OLFML2B: variants seen among roughly 807,000 people sequenced by gnomAD.
OLFML2B encodes olfactomedin like 2B, also known as olfactomedin-like protein 2B.
Under a neutral mutation model 74.9 loss-of-function variants are expected in OLFML2B, and 57 were observed. That is an observed-to-expected ratio of 0.76 (90% CI 0.61 to 0.95). The LOEUF (loss-of-function observed/expected upper bound fraction) is 0.95. Ranked by LOEUF, OLFML2B falls within the 40% of genes least tolerant of loss-of-function variation. OLFML2B has a pLI of 0.00. For synonymous variants in OLFML2B, 388 were observed against 405.8 expected (o/e 0.96, Z 0.53); for missense variants, 986 against 970.6 (o/e 1.02, Z -0.21).
intron 3 of OLFML2B, among the ~76,000 whole-genome samples, chr1:162,014,632 C>CAGA (rs1194216486): frequency 6.6e-6 from 1 of 152,190 alleles, no homozygotes; most frequent in Non-Finnish European, 1.5e-5. Context: ...ATTTACCCAA[C>CAGA]ATTCTGCCTT....
rs1205095991 is a variant in OLFML2B at position 162,001,301 on chromosome 1, G to A, written c.724-963C>T. ...CTTACTAATGAAGACCTGGTTTTAC[G>A]GGAGTGGGCATGGGACTGAATTCTG... On this transcript the variant is annotated intron_variant, in intron 4 of 7. Coordinates refer to ENST00000294794, the MANE Select transcript of OLFML2B (RefSeq NM_015441.3). Among the ~76,000 whole-genome samples the A allele has an allele frequency of 3.9e-5, 6 of 152,140 alleles. No individual in the cohort carries two copies. In the East Asian group the frequency reaches 5.8e-4, roughly 15 times the overall value.
chr1:162,006,482 GAA>G lies in OLFML2B; in HGVS notation c.547-11_547-10del, dbSNP rs34863451. 8.8e-7 allele frequency: 1 copy of G among 1,138,582 alleles called. No individual in the cohort carries two copies. 70.5% of individuals were successfully genotyped at this position (1,138,582 alleles called of 1,614,324 possible). On this transcript the variant is annotated splice_polypyrimidine_tract_variant and intron_variant, in intron 3 of 7. Transcript: ENST00000294794. ...AGGTTTTTAGACACTTCCTGAGAAG[GAA>G]AAAAAAAAGATGATCCATTAAAGCA...
chr1:161,985,038 A>C, intron 6 of OLFML2B, 58 bp from the exon 7 acceptor site: 3 of 1,504,834 alleles, frequency 2.0e-6, no homozygotes, highest in South Asian at 1.3e-5. Context: ...CTCACCCCTT[A>C]AACCTTTGCT....
At chr1:162,006,053 C>T (rs1690220589) in intron 4 of OLFML2B, among the ~76,000 whole-genome samples, 1 of 152,098 alleles carries the variant, frequency 6.6e-6, no homozygotes, top group African/African-American at 2.4e-5. Flanking sequence ...AAAATGGGGG[C>T]TGGGACTCAG....
chr1:162,006,240 G>A, intron 4 of OLFML2B, 57 bp downstream of exon 4: 1 of 1,469,078 alleles, frequency 6.8e-7, no homozygotes, highest in Non-Finnish European at 9.1e-7. Context: ...GAGGAGAGAT[G>A]CTGATATCAC....
chr1:162,022,956 T>A (rs1452933380), intron 1 of OLFML2B, among the ~76,000 whole-genome samples: 2 of 152,130 alleles, frequency 1.3e-5, no homozygotes. Flanking sequence ...AAGAGATACT[T>A]TTTACAACCC....
In OLFML2B at chr1:161,998,227, T is replaced by C; in HGVS notation, c.1072A>G (p.Thr358Ala). 1 of 1,613,726 alleles carries C rather than the reference T, an allele frequency of 6.2e-7. No individual in the cohort carries two copies. Among genetic ancestry groups the C allele is most frequent in the Non-Finnish European group, 8.5e-7 (1 of 1,179,744 alleles). The change falls in exon 6 of 8, where the codon ACT (threonine) becomes GCT (alanine). Residue 358 changes from threonine to alanine, a missense_variant. Transcript: ENST00000294794. ...RPAATRQGHS[T>A]AVTSDLNART... ...GCGTTCAGGTCGCTTGTCACAGCAG[T>C]GCTGTGTCCCTGACGGGTGGCTGCA...
At chr1:161,997,712 T>C in intron 6 of OLFML2B, 113 bp downstream of exon 6, 1 of 1,140,440 alleles carries the variant, frequency 8.8e-7, no homozygotes, top group South Asian at 1.6e-5. Flanking sequence ...CCACTTGCCA[T>C]TCCCATAAAG....
rs982444820 is a variant in OLFML2B, at chr1:162,017,311, C to T, written c.546+89G>A. ...TAGGATGGGTTAAGTCTAGTCAGCA[C>T]ATGTGCTAGCTGAAAATTTACTGTG... On this transcript the variant is annotated intron_variant, in intron 3 of 7. Coordinates refer to ENST00000294794, the MANE Select transcript of OLFML2B (RefSeq NM_015441.3). 6 of 922,120 alleles carry T rather than the reference C, an allele frequency of 6.5e-6. No homozygotes were observed. In the African/African-American group the frequency reaches 8.2e-5, roughly 13 times the overall value. The allele number at this position is 922,120 out of a possible 1,614,324, so 57.1% of individuals were successfully genotyped here.
intron 3 of OLFML2B, among the ~76,000 whole-genome samples, chr1:162,012,383 C>T (rs1032715003): frequency 6.6e-6 from 1 of 152,192 alleles, no homozygotes; most frequent in Non-Finnish European, 1.5e-5. Flanking sequence ...TTTGATCATG[C>T]CTTTCAGTCC....
chr1:161,987,449 A>G (rs1689620931), intron 6 of OLFML2B, among the ~76,000 whole-genome samples: 1 of 152,206 alleles, frequency 6.6e-6, no homozygotes, highest in Admixed American at 6.5e-5. Context: ...GGGAGATTTG[A>G]CCACAAGAGA....
Position 162,006,316 on chromosome 1 carries a change from G to A in OLFML2B, c.704C>T (p.Ala235Val). ...IRSALQRDAAAAYAHPEYEER... is the reference protein window; with the variant it reads ...IRSALQRDAAVAYAHPEYEER... Reference sequence around the variant, plus strand: ...CTATACCTCTGGGTGGGCGTAGGCTGCTGCTGCATCCCTCTGCAGGGCTGA... The same window carrying A: ...CTATACCTCTGGGTGGGCGTAGGCTACTGCTGCATCCCTCTGCAGGGCTGA... Residue 235 changes from alanine to valine, a missense_variant, in exon 4 of 8, where the codon GCA (alanine) becomes GTA (valine). Transcript: ENST00000294794. 1.9e-6 allele frequency: 3 copies of A among 1,598,650 alleles called. No homozygotes were observed. The highest frequency in any genetic ancestry group is 1.1e-5 in the South Asian group (1 of 88,484).
chr1:162,019,780 C>T, intron 2 of OLFML2B, 139 bp downstream of exon 2: 3 of 1,113,324 alleles, frequency 2.7e-6, no homozygotes, highest in Non-Finnish European at 3.8e-6. Flanking sequence ...AGGACATCAA[C>T]CTTGATCCAC....
At chr1:162,020,302 T>C (rs763042879) in intron 1 of OLFML2B, 120 bp from the exon 2 acceptor site, 2 of 1,199,836 alleles carry the variant, frequency 1.7e-6, no homozygotes, top group Non-Finnish European at 2.3e-6. Flanking sequence ...CAGAAAACTC[T>C]GAACCACAGA....
chr1:161,994,071 C>T (rs1689819604), intron 6 of OLFML2B, among the ~76,000 whole-genome samples: 1 of 152,258 alleles, frequency 6.6e-6, no homozygotes, highest in Admixed American at 6.5e-5. Flanking sequence ...ATTTCTAGGG[C>T]CAGAGGCCCC....
intron 3 of OLFML2B, among the ~76,000 whole-genome samples, chr1:162,012,178 C>A (rs1321329885): frequency 6.6e-6 from 1 of 152,148 alleles, no homozygotes; most frequent in African/African-American, 2.4e-5. Flanking sequence ...TGACTTACAG[C>A]AAACCCCTCG....
At chr1:162,012,688 C>T (rs540003219) in intron 3 of OLFML2B, among the ~76,000 whole-genome samples, 1 of 152,344 alleles carries the variant, frequency 6.6e-6, no homozygotes, top group African/African-American at 2.4e-5. Context: ...GGAAAGCTTG[C>T]AGGCATGCAT....
intron 6 of OLFML2B, among the ~76,000 whole-genome samples, chr1:161,990,450 G>A (rs1689704275): frequency 6.6e-6 from 1 of 152,174 alleles, no homozygotes. Context: ...GTTTCCCAGT[G>A]AGTATAAAAG....
chr1:162,014,570 T>C (rs1418974566), intron 3 of OLFML2B, among the ~76,000 whole-genome samples: 1 of 152,242 alleles, frequency 6.6e-6, no homozygotes, highest in African/African-American at 2.4e-5. Context: ...AGGAGCAGAA[T>C]TTAACTTCCA....
Sources: allele counts gnomAD v4.1 joint callset (sites outside exome capture counted in the v4.1 genomes callset), GRCh38; gene constraint gnomAD v4.1.1; transcripts MANE v1.5; gene names NCBI Gene and HGNC (gene_info 2026-07-23, HGNC 2026-07-21).